RNF144B: variants seen among roughly 807,000 people sequenced by gnomAD.
RNF144B encodes the protein E3 ubiquitin-protein ligase RNF144B.
A neutral mutation model predicts 40.2 loss-of-function variants in RNF144B; 25 were observed. The observed-to-expected ratio is 0.62, with a 90% CI of 0.45 to 0.87. The LOEUF (loss-of-function observed/expected upper bound fraction) is 0.87. Among genes scored for constraint, RNF144B ranks in the 40% least tolerant of loss-of-function variants. The pLI is 0.00. For missense variants in RNF144B, 365 were observed against 373.7 expected (o/e 0.98, Z 0.19); for synonymous variants, 145 against 136.3 (o/e 1.06, Z -0.44).
At position 18,467,311 on chromosome 6, in the gene RNF144B, A is replaced by G. The variant is rs943643665; in HGVS notation, c.*2244A>G. 5.9e-5 allele frequency: 9 copies of G among 151,534 alleles called. No homozygotes were observed. The highest frequency in any genetic ancestry group is 2.0e-4 in the East Asian group (1 of 5,126). 9.4% of individuals were successfully genotyped at this position (151,534 alleles called of 1,614,324 possible). On this transcript the variant is annotated 3_prime_UTR_variant, in exon 8 of 8. Transcript: ENST00000259939. ...AAGAGGTCCCAAATTTGGAGTAAAG[A>G]TGGGAGAAAATAAATATGTGCTATT...
chr6:18,457,436 G>A lies in RNF144B; in HGVS notation c.536+77G>A, dbSNP rs1759355439. ...TCAACATACCTTACGTGTAGAAGGA[G>A]TTACGTTGTGATGGCGTTTAGAGAT... is the stretch of plus-strand genomic sequence containing the variant. On this transcript the variant is annotated intron_variant, in intron 5 of 7. Coordinates refer to ENST00000259939, the MANE Select transcript of RNF144B (RefSeq NM_182757.4). The surrounding 1 kb of genome is among the most constrained non-coding windows in gnomAD (Gnocchi z 5.1). 1 of 1,101,144 alleles carries A rather than the reference G, an allele frequency of 9.1e-7. No homozygotes were observed. The highest frequency in any genetic ancestry group is 1.3e-5 in the South Asian group (1 of 79,360). 68.2% of individuals were successfully genotyped at this position (1,101,144 alleles called of 1,614,324 possible).
intron 6 of RNF144B, among the ~76,000 whole-genome samples, chr6:18,461,214 G>C (rs571746069): frequency 9.2e-5 from 14 of 151,446 alleles, no homozygotes; most frequent in African/African-American, 3.4e-4. Context: ...GAAGAAAATG[G>C]ACATTTTAGA....
chr6:18,423,715 T>TTACA (rs1325957483), intron 2 of RNF144B, among the ~76,000 whole-genome samples: 1 of 152,196 alleles, frequency 6.6e-6, no homozygotes, highest in Non-Finnish European at 1.5e-5. Flanking sequence ...ACATTTTTGG[T>TTACA]TAGATCCCAT....
intron 1 of RNF144B, among the ~76,000 whole-genome samples, chr6:18,388,624 C>T (rs1395707170): frequency 6.6e-6 from 1 of 152,170 alleles, no homozygotes; most frequent in Admixed American, 6.5e-5. Context: ...CTTAGTTTAT[C>T]TTTCCTTCAC....
Position 18,434,661 on chromosome 6 carries a change from G to T in RNF144B, c.271-5023G>T, listed in dbSNP as rs919221004. Reference sequence around the variant, plus strand: ...TTTTTAGACAGAGTCTTGCTCTGTCGCCCAGGCTGGAATGCAGTGGTGCGA... The same window carrying T: ...TTTTTAGACAGAGTCTTGCTCTGTCTCCCAGGCTGGAATGCAGTGGTGCGA... On this transcript the variant is annotated intron_variant, in intron 3 of 7. Coordinates refer to ENST00000259939, the MANE Select transcript of RNF144B (RefSeq NM_182757.4). This position sits in a 1 kb window ranked among gnomAD's most constrained non-coding sequence, Gnocchi z 4.1. 2.0e-5 allele frequency among the ~76,000 whole-genome samples: 3 copies of T among 151,934 alleles called. No individual in the cohort carries two copies. The highest frequency in any genetic ancestry group is 7.3e-5 in the African/African-American group (3 of 41,360).
rs1049969316 is a variant in RNF144B, at chr6:18,399,443, C to T, written c.-36-56C>T. The T allele has an allele frequency of 7.0e-5, 90 of 1,290,108 alleles. 1 individual carries two copies. The Middle Eastern group carries it at 1.8e-3, about 26-fold the overall frequency. The allele number at this position is 1,290,108 out of a possible 1,614,324, so 79.9% of individuals were successfully genotyped here. ...ATCAGCTGGCCTCCAGACGTGTTGG[C>T]TAAACAATAGCTTTATCAATCCATA... On this transcript the variant is annotated intron_variant, in intron 1 of 7. Transcript: ENST00000259939.
rs549116993 is a variant in RNF144B at position 18,419,889 on chromosome 6, A to G, written c.166-7692A>G. 1.4e-3 allele frequency among the ~76,000 whole-genome samples: 216 copies of G among 152,334 alleles called. No individual in the cohort carries two copies. The highest frequency in any genetic ancestry group is 3.4e-3 in the Middle Eastern group (1 of 294). On this transcript the variant is annotated intron_variant, in intron 2 of 7. Transcript: ENST00000259939. The surrounding 1 kb of genome is among the most constrained non-coding windows in gnomAD (Gnocchi z 4.6). Reference sequence around the variant, plus strand: ...TAGGATATTTTGAACATGTTCAAGTATAGACAGGACAAAATTCAAGACATA... The same window carrying G: ...TAGGATATTTTGAACATGTTCAAGTGTAGACAGGACAAAATTCAAGACATA...
intron 1 of RNF144B, among the ~76,000 whole-genome samples, chr6:18,394,888 T>C (rs189909419): frequency 2.0e-5 from 3 of 152,280 alleles, no homozygotes; most frequent in Non-Finnish European, 4.4e-5. Flanking sequence ...CCTGGTAATT[T>C]AGTGCAAACT....
At position 18,412,975 on chromosome 6, in the gene RNF144B, G is replaced by A. The variant is rs557211439; in HGVS notation, c.165+13276G>A. On this transcript the variant is annotated intron_variant, in intron 2 of 7. Transcript: ENST00000259939. The surrounding 1 kb of genome is among the most constrained non-coding windows in gnomAD (Gnocchi z 4.2). ...TTATTCATCTGTTTAAAAAAATTACGGAAGGAAAAGCAAGGGCATTTGAGT... is the reference window on the plus strand; with the variant it reads ...TTATTCATCTGTTTAAAAAAATTACAGAAGGAAAAGCAAGGGCATTTGAGT... Among the ~76,000 whole-genome samples the A allele has an allele frequency of 2.6e-5, 4 of 152,176 alleles. No individual in the cohort carries two copies. The highest frequency in any genetic ancestry group is 2.1e-4 in the South Asian group (1 of 4,820).
At position 18,441,383 on chromosome 6, in the gene RNF144B, T is replaced by A. The variant is rs1003376168; in HGVS notation, c.331+1639T>A. Among the ~76,000 whole-genome samples, 1 of 152,222 alleles carries A rather than the reference T, an allele frequency of 6.6e-6. No homozygotes were observed. Among genetic ancestry groups the A allele is most frequent in the East Asian group, 1.9e-4 (1 of 5,170 alleles). On this transcript the variant is annotated intron_variant, in intron 4 of 7. Transcript: ENST00000259939. This position sits in a 1 kb window ranked among gnomAD's most constrained non-coding sequence, Gnocchi z 4.9. Reference sequence around the variant, plus strand: ...GCTGCTTAAATGGTGAGATATGACATATCAACCACGTCAGTCCTACTCAGT... The same window carrying A: ...GCTGCTTAAATGGTGAGATATGACAAATCAACCACGTCAGTCCTACTCAGT...
chr6:18,407,611 A>G (rs1477427147), intron 2 of RNF144B, among the ~76,000 whole-genome samples: 1 of 152,192 alleles, frequency 6.6e-6, no homozygotes, highest in Admixed American at 6.5e-5. Flanking sequence ...TTTGCTCTAC[A>G]TTCATTTGAA....
At chr6:18,440,265 G>A (rs1758929519) in intron 4 of RNF144B, among the ~76,000 whole-genome samples, 2 of 147,026 alleles carry the variant, frequency 1.4e-5, no homozygotes, top group African/African-American at 5.0e-5. Context: ...TGGGCTTGGG[G>A]TAACATATAG....
At chr6:18,397,966 G>A (rs1487094816) in intron 1 of RNF144B, among the ~76,000 whole-genome samples, 3 of 151,964 alleles carry the variant, frequency 2.0e-5, no homozygotes, top group South Asian at 2.1e-4. Context: ...CTCTGTACCC[G>A]TTGAACATGC....
chr6:18,462,543 C>T (rs2113541275), intron 6 of RNF144B, among the ~76,000 whole-genome samples: 1 of 152,316 alleles, frequency 6.6e-6, no homozygotes, highest in Admixed American at 6.5e-5. Flanking sequence ...GTTTCTTCTA[C>T]CCCATGTACA....
In RNF144B at chr6:18,444,929, T is replaced by G. The variant is rs748407034; in HGVS notation, c.331+5185T>G. Among the ~76,000 whole-genome samples the G allele has an allele frequency of 1.3e-5, 2 of 152,226 alleles. No homozygotes were observed. The highest frequency in any genetic ancestry group is 1.9e-4 in the East Asian group (1 of 5,200). ...TAGTTTCACCTTGCTCTTTTATTTG[T>G]CCTTGGTGAAATGCTTCCACCCCAG... On this transcript the variant is annotated intron_variant, in intron 4 of 7. Coordinates refer to ENST00000259939, the MANE Select transcript of RNF144B (RefSeq NM_182757.4). This position sits in a 1 kb window ranked among gnomAD's most constrained non-coding sequence, Gnocchi z 4.3.
intron 3 of RNF144B, among the ~76,000 whole-genome samples, chr6:18,431,602 A>G (rs1474683720): frequency 1.3e-5 from 2 of 152,206 alleles, no homozygotes; most frequent in African/African-American, 4.8e-5. Context: ...GCCTTTTAAA[A>G]AATGCTTAAT....
At position 18,405,771 on chromosome 6, in the gene RNF144B, G is replaced by T. The variant is rs146606529; in HGVS notation, c.165+6072G>T. 9.9e-5 allele frequency among the ~76,000 whole-genome samples: 15 copies of T among 152,276 alleles called. No homozygotes were observed. In the East Asian group the frequency reaches 2.9e-3, roughly 29 times the overall value. The stretch of plus-strand genomic sequence containing the variant: ...AGAAATGGATTAGAGATGACTCAAG[G>T]AGGAGCTGGCTTCCTGGACCTATGA... On this transcript the variant is annotated intron_variant, in intron 2 of 7. Coordinates refer to ENST00000259939, the MANE Select transcript of RNF144B (RefSeq NM_182757.4). This position sits in a 1 kb window ranked among gnomAD's most constrained non-coding sequence, Gnocchi z 4.5.
rs913209455 is a variant in RNF144B at position 18,439,855 on chromosome 6, G to A, written c.331+111G>A. The A allele has an allele frequency of 6.0e-5, 40 of 666,504 alleles. No individual in the cohort carries two copies. The African/African-American group carries it at 7.0e-4, about 12-fold the overall frequency. 41.3% of individuals were successfully genotyped at this position (666,504 alleles called of 1,614,324 possible). Reference sequence around the variant, plus strand: ...CTATGGGCTGTCAACAAAGCCTCAAGGGTACTCTAAAAGGAGAATACTGTA... The same window carrying A: ...CTATGGGCTGTCAACAAAGCCTCAAAGGTACTCTAAAAGGAGAATACTGTA... On this transcript the variant is annotated intron_variant, in intron 4 of 7. Transcript: ENST00000259939.
At chr6:18,436,876 A>G (rs1261385439) in intron 3 of RNF144B, among the ~76,000 whole-genome samples, 1 of 144,258 alleles carries the variant, frequency 6.9e-6, no homozygotes, top group Non-Finnish European at 1.5e-5. Flanking sequence ...GGAACCAGGA[A>G]TTTAACCTTT....
Sources: gnomAD v4.1 joint callset for allele counts (sites outside exome capture counted in the v4.1 genomes callset) on GRCh38, gnomAD v4.1.1 for gene constraint, Gnocchi (gnomAD v3.1) non-coding constraint, MANE v1.5 for transcripts, NCBI Gene and HGNC (gene_info 2026-07-23, HGNC 2026-07-21) for gene names.